The following ASAP1 variants were observed in gnomAD, a reference collection of about 807,000 sequenced individuals.
ASAP1 encodes the protein ArfGAP with SH3 domain, ankyrin repeat and PH domain 1, also known as arf-GAP with SH3 domain, ANK repeat and PH domain-containing protein 1.
ASAP1 carries 43 observed loss-of-function variants against 145.2 expected under a neutral mutation model. The ratio of observed to expected loss-of-function variants is 0.30; its 90% CI spans 0.23 to 0.38. The LOEUF (loss-of-function observed/expected upper bound fraction) is 0.38. Among genes scored for constraint, ASAP1 ranks in the 10% least tolerant of loss-of-function variants. The pLI is 1.00. For synonymous variants in ASAP1, 546 were observed against 515.5 expected (o/e 1.06, Z -0.80); for missense variants, 1,018 against 1,355.3 (o/e 0.75, Z 3.91).
intron 3 of ASAP1, among the ~76,000 whole-genome samples, chr8:130,305,074 G>A (rs1822910811): frequency 6.6e-6 from 1 of 152,100 alleles, no homozygotes; most frequent in East Asian, 1.9e-4. Context: ...CCTTCGTGCT[G>A]TCGGACCCCC....
chr8:130,400,873 T>G (rs1828765149), intron 2 of ASAP1, among the ~76,000 whole-genome samples: 1 of 151,846 alleles, frequency 6.6e-6, no homozygotes, highest in East Asian at 1.9e-4. Flanking sequence ...ACCCGTAAAA[T>G]GAATGTAGAA....
chr8:130,254,969 A>G (rs1648266567), intron 3 of ASAP1, among the ~76,000 whole-genome samples: 1 of 152,164 alleles, frequency 6.6e-6, no homozygotes, highest in Admixed American at 6.5e-5. Context: ...CCCAACTGCC[A>G]AAATATTATC....
At chr8:130,432,804 A>G (rs148287099) in intron 1 of ASAP1, among the ~76,000 whole-genome samples, 266 of 152,244 alleles carry the variant, frequency 1.7e-3, no homozygotes, top group Middle Eastern at 0.017. Context: ...ATTTCCCTTC[A>G]TATTTCACTG....
Position 130,395,811 on chromosome 8 carries a change from C to T in ASAP1, c.59+6074G>A, listed in dbSNP as rs371007379. ...CCTCCCGAGGGGCTGGGATTACAGG[C>T]ACCCGCCACTACGCCCAGCTAATTT... On this transcript the variant is annotated intron_variant, in intron 2 of 29. Transcript: ENST00000518721. Among the ~76,000 whole-genome samples the T allele has an allele frequency of 1.1e-4, 17 of 151,936 alleles. 1 individual carries two copies. The East Asian group carries it at 2.5e-3, about 23-fold the overall frequency.
intron 23 of ASAP1, among the ~76,000 whole-genome samples, chr8:130,114,769 AT>A (rs60433249): frequency 0.17 from 22,578 of 134,828 alleles, 1,973 homozygotes; most frequent in African/African-American, 0.25. Context: ...TTGAAGGTTA[AT>A]TTTTTTTTTT....
At chr8:130,090,297 T>TAA (rs5895036) in intron 25 of ASAP1, among the ~76,000 whole-genome samples, 10 of 152,096 alleles carry the variant, frequency 6.6e-5, no homozygotes, top group South Asian at 6.2e-4. Context: ...GATTAAAACT[T>TAA]AAGAGAAATT....
At chr8:130,389,868 AT>A (rs907220865) in intron 2 of ASAP1, among the ~76,000 whole-genome samples, 8 of 151,202 alleles carry the variant, frequency 5.3e-5, no homozygotes, top group African/African-American at 9.7e-5. Flanking sequence ...GCCCAGCTAA[AT>A]TTTTTTTTCG....
At chr8:130,186,840 G>A (rs1324278620) in intron 7 of ASAP1, among the ~76,000 whole-genome samples, 1 of 152,080 alleles carries the variant, frequency 6.6e-6, no homozygotes, top group African/African-American at 2.4e-5. Flanking sequence ...CGTCCTGGCA[G>A]GCACCAAGAT....
rs189761812 is a variant in ASAP1 at position 130,188,051 on chromosome 8, G to C, written c.480+58C>G. ...CAAGTACTACTATGATCTTGAAAGA[G>C]GAAAAAAAAAATTAATCCTTTCAAG... On this transcript the variant is annotated intron_variant, in intron 6 of 29. Transcript: ENST00000518721. The C allele has an allele frequency of 7.2e-3, 9,373 of 1,294,580 alleles. 55 individuals are homozygous for C. The highest frequency in any genetic ancestry group is 7.7e-3 in the Non-Finnish European group (7,021 of 906,776). The allele number at this position is 1,294,580 out of a possible 1,614,324, so 80.2% of individuals were successfully genotyped here.
At chr8:130,102,644 T>C (rs559138959) in intron 24 of ASAP1, among the ~76,000 whole-genome samples, 2 of 152,268 alleles carry the variant, frequency 1.3e-5, no homozygotes, top group Admixed American at 6.5e-5. Flanking sequence ...TTGTCTTCAA[T>C]TTTTTTGGAA....
chr8:130,085,916 T>C (rs7015970), intron 25 of ASAP1, among the ~76,000 whole-genome samples: 63,020 of 151,958 alleles, frequency 0.41, 13,909 homozygotes, highest in East Asian at 0.69. Flanking sequence ...AGTAATGTAA[T>C]GCTGGGGCTA....
rs1814178430 is a variant in ASAP1, at chr8:130,179,201, C to T, written c.746+63G>A. On this transcript the variant is annotated intron_variant, in intron 9 of 29. Coordinates refer to ENST00000518721, the MANE Select transcript of ASAP1 (RefSeq NM_018482.4). The stretch of plus-strand genomic sequence containing the variant: ...AGAAAAGATATGAAGAGGATTAAGA[C>T]AAATAATGAAGTACAGGGGGCAGTA... 3 of 1,031,588 alleles carry T rather than the reference C, an allele frequency of 2.9e-6. 1 individual carries two copies. Among genetic ancestry groups the T allele is most frequent in the Admixed American group, 4.1e-5 (2 of 48,922 alleles). 63.9% of individuals were successfully genotyped at this position (1,031,588 alleles called of 1,614,324 possible).
intron 3 of ASAP1, among the ~76,000 whole-genome samples, chr8:130,241,405 T>C (rs1262381521): frequency 6.6e-6 from 1 of 152,138 alleles, no homozygotes; most frequent in African/African-American, 2.4e-5. Flanking sequence ...GGAAGTTCTA[T>C]GAAAGCAGGG....
At chr8:130,441,300 C>T (rs1026456594) in intron 1 of ASAP1, among the ~76,000 whole-genome samples, 5 of 152,150 alleles carry the variant, frequency 3.3e-5, no homozygotes, top group Admixed American at 6.6e-5. Context: ...AAGAAGTTTC[C>T]GCTCCTCCTT....
intron 1 of ASAP1, among the ~76,000 whole-genome samples, chr8:130,432,082 G>C (rs1289131026): frequency 3.7e-5 from 4 of 108,594 alleles, no homozygotes; most frequent in Non-Finnish European, 7.5e-5. Flanking sequence ...GAGGGGGAGG[G>C]GGAAGGGGGA....
At chr8:130,405,110 C>T (rs1828966244) in intron 1 of ASAP1, among the ~76,000 whole-genome samples, 1 of 152,042 alleles carries the variant, frequency 6.6e-6, no homozygotes. Flanking sequence ...GCCTAATTCA[C>T]ATGGGAATAT....
intron 4 of ASAP1, among the ~76,000 whole-genome samples, chr8:130,230,040 G>A (rs1222972929): frequency 6.6e-6 from 1 of 150,546 alleles, no homozygotes; most frequent in Non-Finnish European, 1.5e-5. Context: ...CTCCAGCCTG[G>A]GCAACACAGT....
At chr8:130,083,787 A>ATTATTT (rs968541729) in intron 25 of ASAP1, 10 of 152,078 alleles carry the variant, frequency 6.6e-5, no homozygotes, top group African/African-American at 1.9e-4. Flanking sequence ...TGGTAACACC[A>ATTATTT]TTATTTTTAT....
At chr8:130,095,898 CG>C (rs1443628191) in intron 24 of ASAP1, among the ~76,000 whole-genome samples, 1 of 152,138 alleles carries the variant, frequency 6.6e-6, no homozygotes, top group Non-Finnish European at 1.5e-5. Flanking sequence ...GGATTACAGG[CG>C]TGAGTCACAG....
Sources: allele counts gnomAD v4.1 joint callset (sites outside exome capture counted in the v4.1 genomes callset), GRCh38; gene constraint gnomAD v4.1.1; transcripts MANE v1.5; gene names NCBI Gene and HGNC (gene_info 2026-07-23, HGNC 2026-07-21).